The following RAI14 variants were observed in gnomAD, a reference collection of about 807,000 sequenced individuals.
RAI14 encodes ankycorbin.
RAI14 carries 45 observed loss-of-function variants against 115.4 expected under a neutral mutation model. That is an observed-to-expected ratio of 0.39 (90% confidence interval 0.31 to 0.50). RAI14 has a LOEUF of 0.50. Ranked by LOEUF, RAI14 falls within the 20% of genes least tolerant of loss-of-function variation. The pLI, the probability that RAI14 is intolerant of heterozygous loss-of-function variation, is 0.85. For missense variants in RAI14, 939 were observed against 1,131.2 expected (o/e 0.83, Z 2.44); for synonymous variants, 371 against 415.4 (o/e 0.89, Z 1.30).
chr5:34,683,779 G>C (rs372635684), intron 1 of RAI14, among the ~76,000 whole-genome samples: 5 of 151,816 alleles, frequency 3.3e-5, no homozygotes, highest in East Asian at 3.9e-4. Flanking sequence ...CCAGGGTGGA[G>C]TGCAGTGGCG....
In RAI14 at chr5:34,827,646, T is replaced by G. The variant is rs1757582801; in HGVS notation, c.2799+1167T>G. On this transcript the variant is annotated intron_variant, in intron 16 of 17. Transcript: ENST00000265109. This position sits in a 1 kb window ranked among gnomAD's most constrained non-coding sequence, Gnocchi z 4.2. ...AAACAGCTCTAGAAATGGTGGATACTTAGGAGAAGCTGCTCTTTACTGTGT... is the reference window on the plus strand; with the variant it reads ...AAACAGCTCTAGAAATGGTGGATACGTAGGAGAAGCTGCTCTTTACTGTGT... 6.6e-6 allele frequency among the ~76,000 whole-genome samples: 1 copy of G among 152,232 alleles called. No individual in the cohort carries two copies. Among genetic ancestry groups the G allele is most frequent in the Non-Finnish European group, 1.5e-5 (1 of 68,040 alleles).
chr5:34,714,174 A>G (rs1254594967), intron 2 of RAI14, among the ~76,000 whole-genome samples: 3 of 152,224 alleles, frequency 2.0e-5, no homozygotes, highest in African/African-American at 7.2e-5. Flanking sequence ...TACATTCTTC[A>G]CATAAATTTC....
chr5:34,675,991 G>A (rs776674301), intron 1 of RAI14, among the ~76,000 whole-genome samples: 3 of 152,032 alleles, frequency 2.0e-5, no homozygotes, highest in South Asian at 2.1e-4. Context: ...ATAAATATTC[G>A]GTCTTTGTGT....
At chr5:34,664,561 T>C (rs465944) in intron 1 of RAI14, among the ~76,000 whole-genome samples, 71,842 of 151,698 alleles carry the variant, frequency 0.47, 17,979 homozygotes, top group South Asian at 0.69. Context: ...GGTATTGTTA[T>C]CGATAAGATA....
intron 2 of RAI14, chr5:34,687,931 A>G: frequency 1.1e-6 from 1 of 944,718 alleles, no homozygotes; most frequent in African/African-American, 1.7e-5. Context: ...AGGCTGCATC[A>G]TGACATGTAA....
chr5:34,798,088 T>C (rs1421258199), intron 4 of RAI14, among the ~76,000 whole-genome samples: 1 of 152,168 alleles, frequency 6.6e-6, no homozygotes, highest in African/African-American at 2.4e-5. Context: ...CAGGCTGGAG[T>C]GCACTGGCAC....
intron 2 of RAI14, among the ~76,000 whole-genome samples, chr5:34,699,396 T>A (rs1193666758): frequency 6.6e-6 from 1 of 152,190 alleles, no homozygotes; most frequent in Non-Finnish European, 1.5e-5. Flanking sequence ...GAATCAGCCG[T>A]GTCTCTCCCC....
At position 34,707,080 on chromosome 5, in the gene RAI14, C is replaced by T. The variant is rs903669869; in HGVS notation, c.36+20125C>T. Among the ~76,000 whole-genome samples the T allele has an allele frequency of 9.9e-5, 15 of 152,196 alleles. 1 individual carries two copies. The highest frequency in any genetic ancestry group is 1.6e-4 in the Non-Finnish European group (11 of 68,038). ...TGGCACATGATGTTGTGGACAGAAC[C>T]GCAGGCTATATTTACTGATCTTGGT... On this transcript the variant is annotated intron_variant, in intron 2 of 17. Coordinates refer to ENST00000265109, the MANE Select transcript of RAI14 (RefSeq NM_015577.3).
In RAI14 at chr5:34,725,049, GA is replaced by G. The variant is rs890093016; in HGVS notation, c.37-32409del. Among the ~76,000 whole-genome samples, 1,051 of 145,274 alleles carry G rather than the reference GA, an allele frequency of 7.2e-3. 6 individuals are homozygous for G. Among genetic ancestry groups the G allele is most frequent in the South Asian group, 0.014 (66 of 4,564 alleles). On this transcript the variant is annotated intron_variant, in intron 2 of 17. Coordinates refer to ENST00000265109, the MANE Select transcript of RAI14 (RefSeq NM_015577.3). ...AGAAGCCATTGGAGAGAGAGAGAGGGAAAAAAAAAACCAACTTCATTATGAT... is the reference window on the plus strand; with the variant it reads ...AGAAGCCATTGGAGAGAGAGAGAGGGAAAAAAAAACCAACTTCATTATGAT...
intron 12 of RAI14, among the ~76,000 whole-genome samples, chr5:34,816,163 T>C (rs1187836139): frequency 6.6e-6 from 1 of 152,202 alleles, no homozygotes; most frequent in African/African-American, 2.4e-5. Flanking sequence ...ATTTACCAAT[T>C]GACAAATGTA....
intron 3 of RAI14, among the ~76,000 whole-genome samples, chr5:34,774,468 C>T (rs1049748835): frequency 6.6e-6 from 1 of 151,992 alleles, no homozygotes; most frequent in African/African-American, 2.4e-5. Flanking sequence ...TATATGCCAA[C>T]AGCAAACCAT....
chr5:34,743,503 C>G (rs56142210), intron 2 of RAI14, among the ~76,000 whole-genome samples: 1 of 151,996 alleles, frequency 6.6e-6, no homozygotes, highest in African/African-American at 2.4e-5. Flanking sequence ...CTGTAAAGAC[C>G]CTATTTCCAA....
chr5:34,722,444 A>G (rs1742888596), intron 2 of RAI14, among the ~76,000 whole-genome samples: 1 of 151,842 alleles, frequency 6.6e-6, no homozygotes, highest in African/African-American at 2.4e-5. Flanking sequence ...TCCAGCCTCC[A>G]GTCTGTGGGA....
Position 34,803,208 on chromosome 5 carries a change from G to A in RAI14, c.257-504G>A, listed in dbSNP as rs146940572. On this transcript the variant is annotated intron_variant, in intron 4 of 17. Transcript: ENST00000265109. ...TGGAACCTGTGAATGTCATCCAGTAGGTGGGATAGGGCATGGGGGATGCTC... is the reference window on the plus strand; with the variant it reads ...TGGAACCTGTGAATGTCATCCAGTAAGTGGGATAGGGCATGGGGGATGCTC... Among the ~76,000 whole-genome samples the A allele has an allele frequency of 2.2e-3, 334 of 152,290 alleles. 1 individual carries two copies. Among genetic ancestry groups the A allele is most frequent in the African/African-American group, 7.8e-3 (326 of 41,564 alleles).
intron 4 of RAI14, among the ~76,000 whole-genome samples, chr5:34,797,096 C>A (rs1030943618): frequency 6.6e-6 from 1 of 152,154 alleles, no homozygotes; most frequent in African/African-American, 2.4e-5. Flanking sequence ...CTGCTGGCCA[C>A]CCCAAAAGAC....
chr5:34,748,224 G>C (rs1346740940), intron 2 of RAI14, among the ~76,000 whole-genome samples: 1 of 152,188 alleles, frequency 6.6e-6, no homozygotes, highest in Admixed American at 6.5e-5. Flanking sequence ...GTGAATAGCA[G>C]GGACAGTGTA....
chr5:34,792,443 C>T (rs1396546647), intron 3 of RAI14, among the ~76,000 whole-genome samples: 1 of 152,026 alleles, frequency 6.6e-6, no homozygotes, highest in Non-Finnish European at 1.5e-5. Flanking sequence ...ACTGTGTTAG[C>T]CAGGATGGTC....
intron 1 of RAI14, among the ~76,000 whole-genome samples, chr5:34,680,264 G>C (rs1744291722): frequency 6.6e-6 from 1 of 152,140 alleles, no homozygotes; most frequent in Non-Finnish European, 1.5e-5. Flanking sequence ...CCAGAGACTG[G>C]GTAATTTACA....
intron 1 of RAI14, among the ~76,000 whole-genome samples, chr5:34,673,929 G>C (rs1743795130): frequency 6.6e-6 from 1 of 152,146 alleles, no homozygotes; most frequent in South Asian, 2.1e-4. Context: ...ACCTCTAGGG[G>C]AGTAGCTATT....
Sources: allele counts gnomAD v4.1 joint callset (sites outside exome capture counted in the v4.1 genomes callset), GRCh38; gene constraint gnomAD v4.1.1; non-coding constraint Gnocchi (gnomAD v3.1); transcripts MANE v1.5; gene names NCBI Gene and HGNC (gene_info 2026-07-23, HGNC 2026-07-21).